The following NOMO1 variants were observed in gnomAD, a reference collection of about 807,000 sequenced individuals.
The protein encoded by NOMO1 is NODAL modulator 1, also known as nodal modulator 3.
Under a neutral mutation model 133.8 loss-of-function variants are expected in NOMO1, and 40 were observed. The ratio of observed to expected loss-of-function variants is 0.30; its 90% CI spans 0.23 to 0.39. The LOEUF (loss-of-function observed/expected upper bound fraction) is 0.39, where lower values mean the gene tolerates loss of function less well. Ranked by LOEUF, NOMO1 falls within the 10% of genes least tolerant of loss-of-function variation. The pLI, the probability that NOMO1 is intolerant of heterozygous loss-of-function variation, is 1.00. For synonymous variants in NOMO1, 236 were observed against 570.5 expected (o/e 0.41, Z 8.36); for missense variants, 462 against 1,419.9 (o/e 0.33, Z 10.84).
intron 29 of NOMO1, among the ~76,000 whole-genome samples, chr16:14,893,908 G>T (rs1461175607): frequency 6.6e-6 from 1 of 151,936 alleles, no homozygotes; most frequent in Non-Finnish European, 1.5e-5. Context: ...GGCGGAAAAG[G>T]CACATCACAT....
At chr16:14,885,575 C>T (rs1964311623) in intron 27 of NOMO1, among the ~76,000 whole-genome samples, 1 of 149,708 alleles carries the variant, frequency 6.7e-6, no homozygotes. Context: ...TGTGTGTGCG[C>T]TTTAGTCCAC....
chr16:14,882,568 G>A, intron 25 of NOMO1, 26 bp from the exon 26 acceptor site: 2 of 1,611,596 alleles, frequency 1.2e-6, no homozygotes. Context: ...CCTTTCTAGA[G>A]AGCTGACTCC....
At chr16:14,887,243 C>T (rs1298562780) in intron 28 of NOMO1, among the ~76,000 whole-genome samples, 4 of 151,758 alleles carry the variant, frequency 2.6e-5, no homozygotes, top group Middle Eastern at 3.4e-3. Flanking sequence ...TTTTGTAATC[C>T]GTGCTTTTCA....
intron 27 of NOMO1, among the ~76,000 whole-genome samples, chr16:14,884,773 A>G (rs1270408411): frequency 6.6e-6 from 1 of 152,046 alleles, no homozygotes; most frequent in Non-Finnish European, 1.5e-5. Flanking sequence ...TCAATGATCA[A>G]TACAATATGG....
chr16:14,884,520 C>G (rs1218616276), intron 27 of NOMO1, 38 bp downstream of exon 27: 1 of 1,611,176 alleles, frequency 6.2e-7, no homozygotes, highest in Middle Eastern at 2.3e-4. Context: ...ATTGTGTTCC[C>G]TTTGGCTTTG....
chr16:14,892,911 G>A (rs181752062), intron 29 of NOMO1, among the ~76,000 whole-genome samples: 12 of 101,826 alleles, frequency 1.2e-4, no homozygotes, highest in African/African-American at 2.8e-4. Flanking sequence ...GCACGTTCAC[G>A]GGGGCTTTGT....
At chr16:14,892,152 CAGG>C (rs1964413863) in intron 29 of NOMO1, among the ~76,000 whole-genome samples, 1 of 151,466 alleles carries the variant, frequency 6.6e-6, no homozygotes, top group African/African-American at 2.4e-5. Context: ...GAGGCTGTGG[CAGG>C]AGAATTGTGA....
At chr16:14,889,558 A>G (rs1964377831) in intron 29 of NOMO1, among the ~76,000 whole-genome samples, 1 of 151,872 alleles carries the variant, frequency 6.6e-6, no homozygotes, top group African/African-American at 2.4e-5. Context: ...AAACAAAACA[A>G]AACCAAACAA....
intron 18 of NOMO1, among the ~76,000 whole-genome samples, chr16:14,873,355 G>C (rs1964105715): frequency 7.6e-6 from 1 of 131,218 alleles, no homozygotes; most frequent in Admixed American, 7.6e-5. Flanking sequence ...CCTGAGAGTG[G>C]GAGGTGGTGG....
At chr16:14,893,728 G>A (rs1964438898) in intron 29 of NOMO1, among the ~76,000 whole-genome samples, 1 of 150,278 alleles carries the variant, frequency 6.7e-6, no homozygotes, top group Non-Finnish European at 1.5e-5. Flanking sequence ...ATTTTAAAGA[G>A]TTTGAGTTTG....
At chr16:14,881,731 G>C in intron 25 of NOMO1, 46 bp downstream of exon 25, 1 of 1,610,544 alleles carries the variant, frequency 6.2e-7, no homozygotes. Flanking sequence ...TTTTCATCCT[G>C]TGTCCAGAAG....
rs549830579 is a variant in NOMO1, at chr16:14,857,085, G to A, written c.964-132G>A. The stretch of plus-strand genomic sequence containing the variant: ...GGGAGCCTGGCTGGCACACAGGACC[G>A]GGGCACTGAGTGTTGGGAGGTGGGC... On this transcript the variant is annotated intron_variant, in intron 9 of 30. Coordinates refer to ENST00000287667, the MANE Select transcript of NOMO1 (RefSeq NM_014287.4). 86 of 1,040,022 alleles carry A rather than the reference G, an allele frequency of 8.3e-5. 4 individuals carry two copies. In the South Asian group the frequency reaches 8.3e-4, roughly 10 times the overall value. 64.4% of individuals were successfully genotyped at this position (1,040,022 alleles called of 1,614,324 possible). A position where few individuals can be genotyped will look rare whatever the true frequency, so the allele number is the denominator to read the frequency against.
chr16:14,851,637 C>G (rs955140952), intron 6 of NOMO1, among the ~76,000 whole-genome samples: 1 of 75,220 alleles, frequency 1.3e-5, no homozygotes, highest in Admixed American at 1.9e-4. Context: ...TTGGTTACAG[C>G]TGGACGTTTG....
At chr16:14,845,781 T>C (rs1386374267) in intron 4 of NOMO1, among the ~76,000 whole-genome samples, 3 of 151,582 alleles carry the variant, frequency 2.0e-5, no homozygotes, top group African/African-American at 7.3e-5. Flanking sequence ...GTTTTTTCTT[T>C]ATCGATGGTT....
intron 13 of NOMO1, 134 bp downstream of exon 13, chr16:14,864,860 T>C (rs1963970172): frequency 1.2e-5 from 16 of 1,349,844 alleles, no homozygotes; most frequent in Admixed American, 1.8e-5. Context: ...CTTCTTGGAG[T>C]CAAGTGGGTG....
At chr16:14,860,659 C>T (rs1320198293) in intron 11 of NOMO1, among the ~76,000 whole-genome samples, 3 of 151,828 alleles carry the variant, frequency 2.0e-5, no homozygotes, top group Admixed American at 1.3e-4. Flanking sequence ...CTTATTTGAG[C>T]CACTGGGTAG....
At chr16:14,866,732 C>G (rs199820098) in intron 15 of NOMO1, 41 bp downstream of exon 15, 2 of 1,608,402 alleles carry the variant, frequency 1.2e-6, no homozygotes, top group South Asian at 2.2e-5. Context: ...GAAAAGCGCT[C>G]GCCTTGTGGA....
At chr16:14,839,062 T>G (rs919445940) in intron 2 of NOMO1, among the ~76,000 whole-genome samples, 2 of 151,804 alleles carry the variant, frequency 1.3e-5, no homozygotes, top group African/African-American at 4.8e-5. Flanking sequence ...TGTTTTTTTT[T>G]TTCTTCTTTT....
In NOMO1 at chr16:14,868,640, G is replaced by C. The variant is rs1481867074; in HGVS notation, c.1894+5G>C. 3.2e-6 allele frequency: 5 copies of C among 1,567,750 alleles called. No homozygotes were observed. The highest frequency in any genetic ancestry group is 4.4e-6 in the Non-Finnish European group (5 of 1,142,314). ...GATTCTGCCTGTCCAAGCCTGGTAA[G>C]TTTGGAAGGATTGATGTGCCATGAA... On this transcript the variant is annotated splice_donor_5th_base_variant and intron_variant, in intron 16 of 30. Transcript: ENST00000287667.
Sources: gnomAD v4.1 joint callset for allele counts (sites outside exome capture counted in the v4.1 genomes callset) on GRCh38, gnomAD v4.1.1 for gene constraint, MANE v1.5 for transcripts, NCBI Gene and HGNC (gene_info 2026-07-23, HGNC 2026-07-21) for gene names.